The following NCOA7 variants were observed in gnomAD, a reference collection of about 807,000 sequenced individuals.
NCOA7 encodes the protein 140 kDa estrogen receptor-associated protein.
In NCOA7, 45 loss-of-function variants were observed where a neutral mutation model predicts 104.3. The observed-to-expected ratio is 0.43, with a 90% confidence interval of 0.34 to 0.55. The LOEUF is 0.55. Ranked by LOEUF, NCOA7 falls within the 20% of genes least tolerant of loss-of-function variation. NCOA7 has a pLI of 0.02. For synonymous variants in NCOA7, 398 were observed against 402.3 expected, an observed-to-expected ratio of 0.99 and a Z score of 0.13; for missense variants, 1,041 against 1,119.7, an observed-to-expected ratio of 0.93 and a Z score of 1.00.
At chr6:125,917,588 C>T (rs1248195731) in intron 11 of NCOA7, among the ~76,000 whole-genome samples, 1 of 152,184 alleles carries the variant, frequency 6.6e-6, no homozygotes, top group African/African-American at 2.4e-5. Flanking sequence ...ATGCCTGAGA[C>T]AGATCTCAAT....
intron 1 of NCOA7, among the ~76,000 whole-genome samples, chr6:125,813,617 A>G (rs1777279569): frequency 6.6e-6 from 1 of 151,614 alleles, no homozygotes; most frequent in Non-Finnish European, 1.5e-5. Context: ...CGCCCGGCTA[A>G]TTTTTGTATT....
intron 10 of NCOA7, among the ~76,000 whole-genome samples, chr6:125,911,319 C>G (rs1786530109): frequency 6.6e-6 from 1 of 152,242 alleles, no homozygotes; most frequent in Admixed American, 6.5e-5. Context: ...CAAGCCCTGC[C>G]TCAGTTTCCC....
intron 1 of NCOA7, among the ~76,000 whole-genome samples, chr6:125,810,961 A>T (rs982538064): frequency 2.0e-5 from 3 of 152,234 alleles, no homozygotes; most frequent in Admixed American, 2.0e-4. Flanking sequence ...ATTTTCATTA[A>T]TATTTTTCTA....
At chr6:125,791,103 C>G (rs1278286677) in intron 1 of NCOA7, 36 bp downstream of exon 1, 1 of 153,232 alleles carries the variant, frequency 6.5e-6, no homozygotes, top group Non-Finnish European at 1.5e-5. Context: ...CTCGCCGCCG[C>G]CCGCCGCTGA....
chr6:125,830,737 A>ATGTGTGCG (rs1779105817), intron 2 of NCOA7, among the ~76,000 whole-genome samples: 1 of 93,046 alleles, frequency 1.1e-5, no homozygotes, highest in South Asian at 3.7e-4. Context: ...ATATATATAT[A>ATGTGTGCG]TGTGTGTGTG....
Position 125,846,416 on chromosome 6 carries a change from C to T in NCOA7, c.51-8604C>T, listed in dbSNP as rs1391473303. Among the ~76,000 whole-genome samples the T allele has an allele frequency of 3.3e-5, 5 of 151,524 alleles. No individual in the cohort carries two copies. In the East Asian group the frequency reaches 5.8e-4, roughly 18 times the overall value. On this transcript the variant is annotated intron_variant, in intron 2 of 15. Coordinates refer to ENST00000392477, the MANE Select transcript of NCOA7 (RefSeq NM_181782.5). ...CTTTAACACATTTCCTACTCTTCTC[C>T]GCCAAGGGCAAACTATTAGAGCCAG...
chr6:125,843,455 G>A (rs1780342454), intron 2 of NCOA7, among the ~76,000 whole-genome samples: 8 of 152,094 alleles, frequency 5.3e-5, no homozygotes. Context: ...CAGCCATAGG[G>A]AATTAATACA....
intron 2 of NCOA7, among the ~76,000 whole-genome samples, chr6:125,822,199 C>T (rs1037859985): frequency 6.6e-6 from 1 of 152,126 alleles, no homozygotes; most frequent in Non-Finnish European, 1.5e-5. Flanking sequence ...ATTTATTGCC[C>T]ATTGTTGGAT....
At chr6:125,796,011 G>C (rs1327896678) in intron 1 of NCOA7, among the ~76,000 whole-genome samples, 1 of 152,048 alleles carries the variant, frequency 6.6e-6, no homozygotes, top group Non-Finnish European at 1.5e-5. Flanking sequence ...TCTTCTCCAT[G>C]CTGTTCCCTC....
intron 2 of NCOA7, among the ~76,000 whole-genome samples, chr6:125,821,162 C>G (rs898739080): frequency 6.6e-6 from 1 of 152,030 alleles, no homozygotes; most frequent in African/African-American, 2.4e-5. Flanking sequence ...AGCATCTTAC[C>G]CCAGGGATGA....
chr6:125,858,749 C>G (rs1325842980), intron 3 of NCOA7, among the ~76,000 whole-genome samples: 1 of 152,160 alleles, frequency 6.6e-6, no homozygotes, highest in Non-Finnish European at 1.5e-5. Flanking sequence ...GATAAAACCT[C>G]TAGGTGGAAT....
chr6:125,841,440 G>T (rs1419083379), intron 2 of NCOA7, among the ~76,000 whole-genome samples: 6 of 152,068 alleles, frequency 3.9e-5, no homozygotes, highest in Non-Finnish European at 5.9e-5. Flanking sequence ...AGCAAGGCAT[G>T]ATTATATTTA....
intron 12 of NCOA7, 138 bp from the exon 13 acceptor site, chr6:125,922,544 A>G (rs987156195): frequency 9.9e-7 from 1 of 1,006,486 alleles, no homozygotes; most frequent in South Asian, 1.7e-5. Flanking sequence ...AGAATAGCAA[A>G]TATTTGCCAG....
At chr6:125,818,137 T>C (rs1259223043) in intron 2 of NCOA7, among the ~76,000 whole-genome samples, 1 of 151,962 alleles carries the variant, frequency 6.6e-6, no homozygotes, top group Non-Finnish European at 1.5e-5. Flanking sequence ...CTTTTCTTTC[T>C]TCTTCACTTG....
intron 2 of NCOA7, among the ~76,000 whole-genome samples, chr6:125,845,722 G>A (rs1362802858): frequency 6.6e-6 from 1 of 152,060 alleles, no homozygotes; most frequent in African/African-American, 2.4e-5. Context: ...AGCCAAGATC[G>A]CGCCACTGCC....
At chr6:125,843,045 AC>A (rs1286927730) in intron 2 of NCOA7, among the ~76,000 whole-genome samples, 1 of 152,068 alleles carries the variant, frequency 6.6e-6, no homozygotes, top group Non-Finnish European at 1.5e-5. Flanking sequence ...CTGAATAGTG[AC>A]CCCCAAAGAT....
At chr6:125,781,248 CAA>C (rs1280894816) in exon 1 of NCOA7, 1 of 152,184 alleles carries the variant, frequency 6.6e-6, no homozygotes, top group East Asian at 1.9e-4. Flanking sequence ...AAATCTGACC[CAA>C]GAGACTTCGC....
At position 125,890,564 on chromosome 6, in the gene NCOA7, T is replaced by C. The variant is rs1005618962; in HGVS notation, c.1928-78T>C. 5.0e-6 allele frequency: 7 copies of C among 1,388,982 alleles called. No individual in the cohort carries two copies. The African/African-American group carries it at 1.0e-4, about 20-fold the overall frequency. The allele number at this position is 1,388,982 out of a possible 1,614,324, so 86.0% of individuals were successfully genotyped here. A position where few individuals can be genotyped will look rare whatever the true frequency, so the allele number is the denominator to read the frequency against. On this transcript the variant is annotated intron_variant, in intron 9 of 15. Transcript: ENST00000392477. ...TTTTGACTAAGAGAGGATTGTGCAC[T>C]ATTTTTTTTAAGTTGAAAAATTCTG...
chr6:125,849,501 T>C (rs997571741), intron 2 of NCOA7, among the ~76,000 whole-genome samples: 2 of 152,222 alleles, frequency 1.3e-5, no homozygotes, highest in Non-Finnish European at 2.9e-5. Context: ...AAACAGTGAT[T>C]GCTTCTTATG....
Sources: allele counts gnomAD v4.1 joint callset (sites outside exome capture counted in the v4.1 genomes callset), GRCh38; gene constraint gnomAD v4.1.1; transcripts MANE v1.5; gene names NCBI Gene and HGNC (gene_info 2026-07-23, HGNC 2026-07-21).